Variants in ADPRS observed in about 807,000 individuals in gnomAD.
ADPRS encodes ADP-ribosylhydrolase ARH3.
A neutral mutation model predicts 32.1 loss-of-function variants in ADPRS; 25 were observed. The observed-to-expected ratio is 0.78, with a 90% CI of 0.57 to 1.09. The LOEUF is 1.09. Among genes scored for constraint, ADPRS ranks in the 50% least tolerant of loss-of-function variants. ADPRS has a pLI of 0.00. For synonymous variants in ADPRS, 225 were observed against 201.0 expected (o/e 1.12, Z -1.01); for missense variants, 482 against 480.6 (o/e 1.00, Z -0.03).
rs754062810 is a variant in ADPRS at position 36,092,425 on chromosome 1, G to A, written c.705G>A (p.Leu235=). 3.7e-6 allele frequency: 6 copies of A among 1,614,102 alleles called. No individual in the cohort carries two copies. The South Asian group carries it at 5.5e-5, about 15-fold the overall frequency. The part of the protein sequence containing the change: ...DAQSVLDARE[L]GMEERPYSSR... Reference sequence around the variant, plus strand: ...TGAAATCTCCCCTAAACCACAGGTTGGGCATGGAGGAGCGTCCATACTCCA... The same window carrying A: ...TGAAATCTCCCCTAAACCACAGGTTAGGCATGGAGGAGCGTCCATACTCCA... Residue 235 remains leucine (L), a synonymous_variant, in exon 5 of 6, where the codon TTG becomes TTA. Transcript: ENST00000373178.
chr1:36,092,572 C>G (rs372899778), intron 5 of ADPRS, 50 bp downstream of exon 5: 1 of 1,568,496 alleles, frequency 6.4e-7, no homozygotes, highest in African/African-American at 1.3e-5. Flanking sequence ...CCTTCAGGGT[C>G]GGTCTTGGGC....
chr1:36,091,933 GAC>G lies in ADPRS; in HGVS notation c.545_546del (p.His182ArgfsTer43). 6.2e-7 allele frequency: 1 copy of G among 1,607,596 alleles called. No homozygotes were observed. The highest frequency in any genetic ancestry group is 8.5e-7 in the Non-Finnish European group (1 of 1,175,252). The stretch of plus-strand genomic sequence containing the variant: ...AGTTTGCCCGGCTCTCGGCCCAGCT[GAC>G]ACACGCCTCCTCCCTGGGTTACAAT... The part of the protein sequence containing the change: ...QKFARLSAQL[T>X]HASSLGYNGA... On this transcript the variant is annotated frameshift_variant, in exon 4 of 6. Coordinates refer to ENST00000373178, the MANE Select transcript of ADPRS (RefSeq NM_017825.3). LOFTEE classifies it high-confidence loss of function.
rs1643485429 is a variant in ADPRS, at chr1:36,091,661, G to A, written c.352G>A (p.Ala118Thr). Residue 118 changes from alanine to threonine, a missense_variant, in exon 3 of 6, where the codon GCT (alanine) becomes ACT (threonine). Transcript: ENST00000373178. ...GAAAGACCCTGACAGGGGCTATGGTGCTGGAGTAGTCACTGTCTTCAAGAA... is the reference window on the plus strand; with the variant it reads ...GAAAGACCCTGACAGGGGCTATGGTACTGGAGTAGTCACTGTCTTCAAGAA... ...YKKDPDRGYG[A>T]GVVTVFKKLL... The A allele has an allele frequency of 6.2e-7, 1 of 1,613,280 alleles. No homozygotes were observed. Among genetic ancestry groups the A allele is most frequent in the Non-Finnish European group, 8.5e-7 (1 of 1,179,658 alleles).
chr1:36,093,383 TTGA>T lies in ADPRS; in HGVS notation c.*1_*3del. ...GCCTGCACCGTGTCTTCCAGAAGAGTTGATGAGGGCTACAGCTGTTGGGGCTCT... is the reference window on the plus strand; with the variant it reads ...GCCTGCACCGTGTCTTCCAGAAGAGTTGAGGGCTACAGCTGTTGGGGCTCT... On this transcript the variant is annotated stop_lost and inframe_deletion and stop_retained_variant, in exon 6 of 6. Transcript: ENST00000373178. 6.2e-7 allele frequency: 1 copy of T among 1,612,024 alleles called. No homozygotes were observed. Among genetic ancestry groups the T allele is most frequent in the South Asian group, 1.1e-5 (1 of 90,968 alleles).
chr1:36,091,018 AAGT>A (rs1254669576), intron 1 of ADPRS, among the ~76,000 whole-genome samples: 1 of 152,044 alleles, frequency 6.6e-6, no homozygotes, highest in Non-Finnish European at 1.5e-5. Flanking sequence ...AAAAAAATAA[AAGT>A]AGCTGGGTGT....
At position 36,093,617 on chromosome 1, in the gene ADPRS, T is replaced by G; in HGVS notation, c.*231T>G. On this transcript the variant is annotated 3_prime_UTR_variant, in exon 6 of 6. Coordinates refer to ENST00000373178, the MANE Select transcript of ADPRS (RefSeq NM_017825.3). ...GGTTTGCTGCAGAGCCGTAGGACAC[T>G]CCTGGCTCCTCAGTAGGACAGACAG... 1.8e-6 allele frequency: 1 copy of G among 565,094 alleles called. No homozygotes were observed. The highest frequency in any genetic ancestry group is 3.1e-6 in the Non-Finnish European group (1 of 321,168). The allele number at this position is 565,094 out of a possible 1,614,324, so 35.0% of individuals were successfully genotyped here.
chr1:36,089,900 T>C (rs1164194551), intron 1 of ADPRS, among the ~76,000 whole-genome samples: 1 of 151,086 alleles, frequency 6.6e-6, no homozygotes, highest in Non-Finnish European at 1.5e-5. Context: ...AGGTAGCAGG[T>C]GTGAGGTCAA....
At position 36,093,468 on chromosome 1, in the gene ADPRS, T is replaced by A; in HGVS notation, c.*82T>A. ...ATCAGAAACCCTGCGCTTCCTTGAG[T>A]GTGGCTTCCCACTTTTCCTGCATTG... On this transcript the variant is annotated 3_prime_UTR_variant, in exon 6 of 6. Transcript: ENST00000373178. The A allele has an allele frequency of 6.6e-7, 1 of 1,523,512 alleles. No homozygotes were observed. The allele number at this position is 1,523,512 out of a possible 1,614,324, so 94.4% of individuals were successfully genotyped here.
chr1:36,091,142 C>G (rs2124052693), intron 1 of ADPRS, 102 bp from the exon 2 acceptor site: 6 of 885,912 alleles, frequency 6.8e-6, no homozygotes, highest in East Asian at 2.7e-5. Flanking sequence ...GCACTCCAGT[C>G]TGGGCAACAG....
intron 1 of ADPRS, 116 bp downstream of exon 1, chr1:36,089,231 G>T: frequency 8.3e-7 from 1 of 1,199,834 alleles, no homozygotes; most frequent in African/African-American, 1.6e-5. Context: ...AGGGCACCGG[G>T]GCCAGAGCCG....
rs770348358 is a variant in ADPRS at position 36,091,224 on chromosome 1, C to T, written c.212-20C>T. The T allele has an allele frequency of 8.3e-5, 132 of 1,597,614 alleles. No individual in the cohort carries two copies. The highest frequency in any genetic ancestry group is 1.1e-4 in the Non-Finnish European group (128 of 1,165,692). ...ACAAAGGTGAGCAGGAGGCTCTCAT[C>T]CTCCCTCCTCTCCCCACAGAAGCCT... is the stretch of plus-strand genomic sequence containing the variant. On this transcript the variant is annotated intron_variant, in intron 1 of 5. Transcript: ENST00000373178.
chr1:36,090,669 T>C (rs1570010402), intron 1 of ADPRS, among the ~76,000 whole-genome samples: 1 of 88,866 alleles, frequency 1.1e-5, no homozygotes, highest in African/African-American at 4.6e-5. Flanking sequence ...AGGATGAAAC[T>C]CCATCTCTAC....
At chr1:36,092,363 C>T (rs1643495949) in intron 4 of ADPRS, 59 bp from the exon 5 acceptor site, 1 of 1,539,600 alleles carries the variant, frequency 6.5e-7, no homozygotes, top group Admixed American at 1.7e-5. Context: ...AGCCCTCTCC[C>T]CTGCCCGCGC....
At chr1:36,089,433 A>G (rs1643447714) in intron 1 of ADPRS, among the ~76,000 whole-genome samples, 1 of 152,248 alleles carries the variant, frequency 6.6e-6, no homozygotes, top group African/African-American at 2.4e-5. Flanking sequence ...CGACCGTTTT[A>G]TCTGGACGCA....
chr1:36,093,538 G>A lies in ADPRS; in HGVS notation c.*152G>A. On this transcript the variant is annotated 3_prime_UTR_variant, in exon 6 of 6. Coordinates refer to ENST00000373178, the MANE Select transcript of ADPRS (RefSeq NM_017825.3). Reference sequence around the variant, plus strand: ...CGGTGAGGCTGGGGTCTCTGCAGGGGAGGTCACTGGAACAGCGAGCAAGGG... The same window carrying A: ...CGGTGAGGCTGGGGTCTCTGCAGGGAAGGTCACTGGAACAGCGAGCAAGGG... 1 of 1,021,104 alleles carries A rather than the reference G, an allele frequency of 9.8e-7. No individual in the cohort carries two copies. 63.3% of individuals were successfully genotyped at this position (1,021,104 alleles called of 1,614,324 possible).
chr1:36,091,141 T>G (rs1643474480), intron 1 of ADPRS, 103 bp from the exon 2 acceptor site: 1 of 873,060 alleles, frequency 1.1e-6, no homozygotes, highest in Non-Finnish European at 1.8e-6. Context: ...TGCACTCCAG[T>G]CTGGGCAACA....
rs767927508 is a variant in ADPRS at position 36,091,988 on chromosome 1, C to T, written c.595C>T (p.His199Tyr). Residue 199 changes from histidine (H) to tyrosine (Y), a missense_variant, in exon 4 of 6, where the codon CAC (histidine) becomes TAC (tyrosine). Transcript: ENST00000373178. ...CGCCATCCTGCAGGCCCTGGCTGTG[C>T]ACCTGGCCTTGCAGGGCGAGTCTTC... ...NGAILQALAV[H>Y]LALQGESSSE... 4 of 1,614,058 alleles carry T rather than the reference C, an allele frequency of 2.5e-6. No homozygotes were observed. The highest frequency in any genetic ancestry group is 3.4e-6 in the Non-Finnish European group (4 of 1,179,992).
chr1:36,090,705 A>AAAT (rs1643468807), intron 1 of ADPRS, among the ~76,000 whole-genome samples: 2 of 147,232 alleles, frequency 1.4e-5, no homozygotes, highest in African/African-American at 2.6e-5. Context: ...AAAAAAAAAA[A>AAAT]GCCAGGCGCA....
Position 36,091,834 on chromosome 1 carries a change from G to A in ADPRS, c.516+9G>A. Reference sequence around the variant, plus strand: ...TCCAGGATGTGCAGAAGGTATTCAGGGCGGGCTGGCTTCTGGGCTGTCCCC... The same window carrying A: ...TCCAGGATGTGCAGAAGGTATTCAGAGCGGGCTGGCTTCTGGGCTGTCCCC... On this transcript the variant is annotated intron_variant, in intron 3 of 5. Transcript: ENST00000373178. 2 of 1,590,232 alleles carry A rather than the reference G, an allele frequency of 1.3e-6. No individual in the cohort carries two copies. Among genetic ancestry groups the A allele is most frequent in the African/African-American group, 1.3e-5 (1 of 74,620 alleles).
Sources: allele counts gnomAD v4.1 joint callset (sites outside exome capture counted in the v4.1 genomes callset), GRCh38; gene constraint gnomAD v4.1.1; transcripts MANE v1.5; gene names NCBI Gene and HGNC (gene_info 2026-07-23, HGNC 2026-07-21).